Variants in CBR4 observed in about 807,000 individuals in gnomAD.
CBR4 encodes 3-oxoacyl-[acyl-carrier-protein] reductase.
Under a neutral mutation model 21.0 loss-of-function variants are expected in CBR4, and 22 were observed. That is an observed-to-expected ratio of 1.05 (90% CI 0.75 to 1.50). The LOEUF (loss-of-function observed/expected upper bound fraction) is 1.50. Ranked by LOEUF, CBR4 falls within the 40% of genes most tolerant of loss-of-function variation. The pLI is 0.00. For synonymous variants in CBR4, 100 were observed against 104.4 expected, an observed-to-expected ratio of 0.96 and a Z score of 0.26; for missense variants, 302 against 286.3, an observed-to-expected ratio of 1.05 and a Z score of -0.40.
At chr4:168,983,664 A>G (rs1316800776), downstream of CBR4, among the ~76,000 whole-genome samples, 1 of 152,154 alleles carries the variant, frequency 6.6e-6, no homozygotes, top group Non-Finnish European at 1.5e-5. Flanking sequence ...TCCTCAACAA[A>G]ATACCGGCAA....
intron 2 of CBR4, among the ~76,000 whole-genome samples, chr4:168,952,922 G>A (rs1350345065): frequency 1.3e-5 from 2 of 152,182 alleles, no homozygotes; most frequent in African/African-American, 2.4e-5. Context: ...CTTTCCAGAG[G>A]GCATCAGCTG....
intron 2 of CBR4, among the ~76,000 whole-genome samples, chr4:168,956,465 G>C (rs1167316061): frequency 6.6e-6 from 1 of 151,794 alleles, no homozygotes; most frequent in Non-Finnish European, 1.5e-5. Flanking sequence ...ACGCACGGTG[G>C]CGTGTGCCTA....
chr4:168,999,970 T>A (rs1730281757), intron 4 of CBR4, among the ~76,000 whole-genome samples: 1 of 152,208 alleles, frequency 6.6e-6, no homozygotes, highest in African/African-American at 2.4e-5. Flanking sequence ...GCTAGCTCAG[T>A]CCCTACACGT....
At chr4:168,920,350 G>A (rs767267587) in intron 2 of CBR4, among the ~76,000 whole-genome samples, 2 of 152,188 alleles carry the variant, frequency 1.3e-5, no homozygotes, top group Non-Finnish European at 2.9e-5. Context: ...TGTGTGGTGG[G>A]AGGCATCTTG....
At chr4:168,986,760 C>G (rs577075109), downstream of CBR4, among the ~76,000 whole-genome samples, 1 of 152,168 alleles carries the variant, frequency 6.6e-6, no homozygotes, top group Admixed American at 6.5e-5. Flanking sequence ...CTGGGTGACA[C>G]AGTGAGACCT....
intron 2 of CBR4, chr4:168,894,831 A>G: frequency 8.0e-7 from 1 of 1,251,664 alleles, no homozygotes; most frequent in South Asian, 1.4e-5. Context: ...CTCACAGCTA[A>G]TTTTTATTGA....
At chr4:168,924,427 C>T in intron 2 of CBR4, 1 of 1,612,110 alleles carries the variant, frequency 6.2e-7, no homozygotes, top group Admixed American at 1.7e-5. Flanking sequence ...TGAGGTAAGA[C>T]TGCACAATGA....
chr4:168,967,260 C>A (rs1163900935), intron 2 of CBR4, among the ~76,000 whole-genome samples: 3 of 151,716 alleles, frequency 2.0e-5, no homozygotes, highest in Non-Finnish European at 4.4e-5. Flanking sequence ...ACAAGGACAG[C>A]AAACCAAACA....
At chr4:168,919,466 A>G (rs1760969868) in intron 2 of CBR4, among the ~76,000 whole-genome samples, 1 of 151,860 alleles carries the variant, frequency 6.6e-6, no homozygotes, top group South Asian at 2.1e-4. Flanking sequence ...CGGAGGTTGC[A>G]GTAAGCTGAG....
intron 2 of CBR4, among the ~76,000 whole-genome samples, chr4:168,935,059 T>C (rs888384857): frequency 1.1e-4 from 16 of 152,214 alleles, no homozygotes; most frequent in Admixed American, 9.2e-4. Flanking sequence ...GATTTCTTCA[T>C]TTCCAGCTGA....
At chr4:168,920,928 T>TA (rs1761351816) in intron 2 of CBR4, among the ~76,000 whole-genome samples, 1 of 152,194 alleles carries the variant, frequency 6.6e-6, no homozygotes, top group African/African-American at 2.4e-5. Flanking sequence ...CTGGTGCTGA[T>TA]ATCATCCCAT....
downstream of CBR4, among the ~76,000 whole-genome samples, chr4:168,984,140 A>G (rs1429830978): frequency 6.6e-6 from 1 of 152,124 alleles, no homozygotes; most frequent in Non-Finnish European, 1.5e-5. Flanking sequence ...AGATGATGTA[A>G]TGCTATACTA....
chr4:168,983,619 T>G (rs75644255), downstream of CBR4, among the ~76,000 whole-genome samples: 1 of 151,840 alleles, frequency 6.6e-6, no homozygotes, highest in Non-Finnish European at 1.5e-5. Context: ...AAGAAAACTT[T>G]AGGCCAGTAT....
rs191021789 is a variant in CBR4 at position 168,972,778 on chromosome 4, G to A, written n.169+29293C>T. Among the ~76,000 whole-genome samples the A allele has an allele frequency of 1.6e-3, 236 of 152,210 alleles. 2 individuals carry two copies. Among genetic ancestry groups the A allele is most frequent in the Non-Finnish European group, 2.8e-3 (192 of 68,000 alleles). Reference sequence around the variant, plus strand: ...AATGTGGATGCCCTTTCTTTCTCTTGTCTGATTGCTCTGGCTAGGACTCCT... The same window carrying A: ...AATGTGGATGCCCTTTCTTTCTCTTATCTGATTGCTCTGGCTAGGACTCCT... On this transcript the variant is annotated intron_variant and non_coding_transcript_variant, in intron 2 of 3. Transcript: ENST00000509108.
chr4:168,965,026 A>T (rs1302459552), intron 2 of CBR4, among the ~76,000 whole-genome samples: 2 of 152,154 alleles, frequency 1.3e-5, no homozygotes, highest in Non-Finnish European at 2.9e-5. Context: ...CTCAGCCCCC[A>T]ATCTCCTTAA....
At position 168,978,767 on chromosome 4, in the gene CBR4, C is replaced by A. The variant is rs567936299; in HGVS notation, n.169+23304G>T. Among the ~76,000 whole-genome samples, 6 of 152,240 alleles carry A rather than the reference C, an allele frequency of 3.9e-5. No individual in the cohort carries two copies. The East Asian group carries it at 9.7e-4, about 25-fold the overall frequency. The stretch of plus-strand genomic sequence containing the variant: ...AAAGGAGGCCAGGTTCTCACGCATA[C>A]CCCCAGGAGAGAGGCTGCATCCACA... On this transcript the variant is annotated intron_variant and non_coding_transcript_variant, in intron 2 of 3. Coordinates refer to the CBR4 transcript ENST00000509108.
rs1764734487 is a variant in CBR4, at chr4:168,987,653, A to C, written c.*2497T>G. 1 of 969,626 alleles carries C rather than the reference A, an allele frequency of 1.0e-6. No individual in the cohort carries two copies. The highest frequency in any genetic ancestry group is 4.8e-5 in the South Asian group (1 of 20,954). The allele number at this position is 969,626 out of a possible 1,614,324, so 60.1% of individuals were successfully genotyped here. On this transcript the variant is annotated 3_prime_UTR_variant, in exon 5 of 5. Transcript: ENST00000306193. ...TTACCAAGTTAGGACAGTGGTTATG[A>C]TTTCTCAATTTACACATATTCCTTT... is the stretch of plus-strand genomic sequence containing the variant.
rs777740588 is a variant in CBR4 at position 168,905,138 on chromosome 4, G to GT, written n.170-10374dup. On this transcript the variant is annotated intron_variant and non_coding_transcript_variant, in intron 2 of 3. Coordinates refer to the CBR4 transcript ENST00000509108. ...TGAGACTTTGTTTTTTGTTTTGTTG[G>GT]TTTTTTTTTTTTTTTTTTTTTTTTT... 9.8e-3 allele frequency among the ~76,000 whole-genome samples: 339 copies of GT among 34,528 alleles called. 133 individuals carry two copies. Among genetic ancestry groups the GT allele is most frequent in the East Asian group, 0.038 (20 of 524 alleles). The allele number at this position is 34,528 out of a possible 152,430, so 22.7% of individuals were successfully genotyped here. A position where few individuals can be genotyped will look rare whatever the true frequency, so the allele number is the denominator to read the frequency against.
At chr4:168,924,891 C>T in intron 2 of CBR4, 1 of 1,597,788 alleles carries the variant, frequency 6.3e-7, no homozygotes, top group Non-Finnish European at 8.6e-7. Flanking sequence ...TGCTTCATGT[C>T]CAAAGCCACT....
Sources: allele counts gnomAD v4.1 joint callset (sites outside exome capture counted in the v4.1 genomes callset), GRCh38; gene constraint gnomAD v4.1.1; transcripts MANE v1.5; gene names NCBI Gene and HGNC (gene_info 2026-07-23, HGNC 2026-07-21).